PANX1: variants seen among roughly 807,000 people sequenced by gnomAD.
PANX1 encodes pannexin-1.
A neutral mutation model predicts 38.7 loss-of-function variants in PANX1; 30 were observed. The ratio of observed to expected loss-of-function variants is 0.78; its 90% confidence interval spans 0.58 to 1.05. The LOEUF (loss-of-function observed/expected upper bound fraction) is 1.05, where lower values mean the gene tolerates loss of function less well. PANX1 is among the 50% of genes least tolerant of loss of function. PANX1 has a pLI of 0.00. For missense variants in PANX1, 551 were observed against 517.2 expected (o/e 1.07, Z -0.63); for synonymous variants, 230 against 212.2 (o/e 1.08, Z -0.73).
At chr11:94,135,671 A>G (rs146043335) in intron 1 of PANX1, among the ~76,000 whole-genome samples, 30 of 152,282 alleles carry the variant, frequency 2.0e-4, no homozygotes, top group South Asian at 8.3e-4. Flanking sequence ...TGTTGGATAC[A>G]TGTTTTACTT....
At chr11:94,146,376 A>C (rs895647174) in intron 1 of PANX1, among the ~76,000 whole-genome samples, 2 of 152,228 alleles carry the variant, frequency 1.3e-5, no homozygotes, top group African/African-American at 4.8e-5. Context: ...CCACATTTAA[A>C]GTATTTGATT....
chr11:94,176,327 A>G (rs1047779347), intron 2 of PANX1, among the ~76,000 whole-genome samples: 1 of 151,672 alleles, frequency 6.6e-6, no homozygotes, highest in South Asian at 2.1e-4. Context: ...AAACAAGGAA[A>G]GATTGAAGAA....
At chr11:94,157,180 A>G (rs551859350) in intron 2 of PANX1, among the ~76,000 whole-genome samples, 5 of 152,268 alleles carry the variant, frequency 3.3e-5, no homozygotes, top group South Asian at 4.1e-4. Context: ...TAGTGCCACA[A>G]TAAACATACA....
At chr11:94,180,340 C>A (rs1352819490) in intron 4 of PANX1, 83 bp downstream of exon 4, 9 of 1,186,786 alleles carry the variant, frequency 7.6e-6, no homozygotes, top group Non-Finnish European at 9.5e-6. Context: ...CAGTCTTTAC[C>A]CTGCCCATCA....
Position 94,179,675 on chromosome 11 carries a change from A to C in PANX1, c.619A>C (p.Asn207His), listed in dbSNP as rs565801041. ...GTACTTGAAGACAAAGAAAAATTCT[A>C]ATAATTTAATCATCAAGTACATTAG... The part of the protein sequence containing the change: ...EQYLKTKKNS[N>H]NLIIKYISCR... The change falls in exon 4 of 5, where the codon AAT (asparagine) becomes CAT (histidine). Residue 207 changes from asparagine (N) to histidine (H), a missense_variant. Physicochemically the swap from Asn to His is moderately conservative, Grantham distance 68. Coordinates refer to ENST00000227638, the MANE Select transcript of PANX1 (RefSeq NM_015368.4). 1.9e-6 allele frequency: 3 copies of C among 1,613,494 alleles called. No homozygotes were observed. Among genetic ancestry groups the C allele is most frequent in the African/African-American group, 2.7e-5 (2 of 74,998 alleles).
intron 2 of PANX1, among the ~76,000 whole-genome samples, chr11:94,155,810 T>G (rs150499514): frequency 4.7e-4 from 72 of 152,262 alleles, no homozygotes; most frequent in Middle Eastern, 3.4e-3. Flanking sequence ...GTGACTCTTT[T>G]CTCCTTTTAG....
chr11:94,151,260 A>C (rs1946879813), intron 1 of PANX1, among the ~76,000 whole-genome samples: 1 of 152,058 alleles, frequency 6.6e-6, no homozygotes, highest in African/African-American at 2.4e-5. Context: ...TCTTTTGCAA[A>C]AGCTTTAGTA....
Position 94,139,672 on chromosome 11 carries a change from T to C in PANX1, c.181+10179T>C, listed in dbSNP as rs143730241. Among the ~76,000 whole-genome samples the C allele has an allele frequency of 7.5e-3, 1,134 of 152,182 alleles. 15 individuals carry two copies. The highest frequency in any genetic ancestry group is 0.026 in the African/African-American group (1,094 of 41,504). ...GAGGGGAGAGGGCCTGAAGCCTGAG[T>C]TGATCACTAGTGGCTCATGATCTAA... On this transcript the variant is annotated intron_variant, in intron 1 of 4. Coordinates refer to ENST00000227638, the MANE Select transcript of PANX1 (RefSeq NM_015368.4).
chr11:94,130,601 G>A (rs1591500586), intron 1 of PANX1, among the ~76,000 whole-genome samples: 1 of 150,928 alleles, frequency 6.6e-6, no homozygotes, highest in Non-Finnish European at 1.5e-5. Context: ...ATGGGGCCTG[G>A]AGGGCTGGGT....
chr11:94,180,144 C>T lies in PANX1; in HGVS notation c.1088C>T (p.Pro363Leu). Reference protein sequence around the residue: ...NIKSSGQGIDPMLLLTNLGMI... With the variant: ...NIKSSGQGIDLMLLLTNLGMI... Reference sequence around the variant, plus strand: ...AAGAGCAGTGGTCAGGGGATCGACCCAATGCTACTCCTGACAAACCTTGGC... The same window carrying T: ...AAGAGCAGTGGTCAGGGGATCGACCTAATGCTACTCCTGACAAACCTTGGC... Residue 363 changes from proline (P) to leucine (L), a missense_variant, in exon 4 of 5, where the codon CCA becomes CTA. By Grantham distance (98) the Pro-to-Leu change is moderately conservative. Transcript: ENST00000227638. 6.2e-7 allele frequency: 1 copy of T among 1,613,764 alleles called. No individual in the cohort carries two copies. The highest frequency in any genetic ancestry group is 8.5e-7 in the Non-Finnish European group (1 of 1,179,886).
intron 2 of PANX1, 48 bp downstream of exon 2, chr11:94,153,678 G>C (rs752706516): frequency 6.4e-7 from 1 of 1,560,246 alleles, no homozygotes; most frequent in South Asian, 1.1e-5. Flanking sequence ...TATAGATAAG[G>C]AAACTAAAGC....
chr11:94,180,190 T>A lies in PANX1; in HGVS notation c.1134T>A (p.Val378=). 6.2e-7 allele frequency: 1 copy of A among 1,613,734 alleles called. No homozygotes were observed. Among genetic ancestry groups the A allele is most frequent in the East Asian group, 2.2e-5 (1 of 44,842 alleles). ...TNLGMIKMDV[V]DGKTPMSAEM... ...TTGGCATGATCAAGATGGATGTTGT[T>A]GATGGCAAAACTCCCATGTCTGCAG... Residue 378 remains valine (V), a synonymous_variant, in exon 4 of 5, where the codon GTT becomes GTA. Transcript: ENST00000227638.
chr11:94,150,436 A>G (rs960765323), intron 1 of PANX1, among the ~76,000 whole-genome samples: 1 of 152,244 alleles, frequency 6.6e-6, no homozygotes, highest in Non-Finnish European at 1.5e-5. Flanking sequence ...ACGAAGATCT[A>G]ACGTGTTTAC....
chr11:94,150,675 A>C (rs1466838893), intron 1 of PANX1, among the ~76,000 whole-genome samples: 1 of 149,546 alleles, frequency 6.7e-6, no homozygotes, highest in East Asian at 2.0e-4. Context: ...CCCCCTCTTC[A>C]CTCCTGCTCT....
chr11:94,148,303 G>T (rs1415800222), intron 1 of PANX1, among the ~76,000 whole-genome samples: 1 of 152,208 alleles, frequency 6.6e-6, no homozygotes, highest in East Asian at 1.9e-4. Context: ...CTTGTTTTTA[G>T]TAAGAGAAGT....
intron 2 of PANX1, among the ~76,000 whole-genome samples, chr11:94,155,519 A>G (rs1946939965): frequency 6.6e-6 from 1 of 152,024 alleles, no homozygotes; most frequent in African/African-American, 2.4e-5. Flanking sequence ...AAAAAATAAT[A>G]ATAATAAAAT....
At chr11:94,147,457 G>A (rs1037217913) in intron 1 of PANX1, among the ~76,000 whole-genome samples, 1 of 152,082 alleles carries the variant, frequency 6.6e-6, no homozygotes, top group African/African-American at 2.4e-5. Context: ...GACCTTGTGG[G>A]TGTGTGAGGG....
chr11:94,144,228 C>G (rs1946799060), intron 1 of PANX1, among the ~76,000 whole-genome samples: 1 of 152,074 alleles, frequency 6.6e-6, no homozygotes, highest in Non-Finnish European at 1.5e-5. Context: ...TCTTCTCCCT[C>G]CCCCATTTTT....
intron 2 of PANX1, among the ~76,000 whole-genome samples, chr11:94,166,817 C>T (rs1947106410): frequency 6.6e-6 from 1 of 152,208 alleles, no homozygotes; most frequent in East Asian, 1.9e-4. Flanking sequence ...CCAAGCTGCA[C>T]TGCTTGGAGT....
Sources: allele counts gnomAD v4.1 joint callset (sites outside exome capture counted in the v4.1 genomes callset), GRCh38; gene constraint gnomAD v4.1.1; transcripts MANE v1.5; gene names NCBI Gene and HGNC (gene_info 2026-07-23, HGNC 2026-07-21).